SLC16A1: variants seen among roughly 807,000 people sequenced by gnomAD.
SLC16A1 encodes the protein monocarboxylate transporter 1.
A neutral mutation model predicts 32.2 loss-of-function variants in SLC16A1; 11 were observed. The observed-to-expected ratio is 0.34, with a 90% CI of 0.21 to 0.56. The LOEUF (loss-of-function observed/expected upper bound fraction) is 0.56, where lower values mean the gene tolerates loss of function less well. SLC16A1 is among the 20% of genes least tolerant of loss of function. The probability of loss-of-function intolerance (pLI) is 0.87; values close to 1 mark genes in which losing one functional copy is unlikely to be tolerated. For synonymous variants in SLC16A1, 231 were observed against 226.8 expected (o/e 1.02, Z -0.17); for missense variants, 435 against 615.0 (o/e 0.71, Z 3.10).
intron 1 of SLC16A1, among the ~76,000 whole-genome samples, chr1:112,942,083 T>C (rs549692204): frequency 6.6e-6 from 1 of 152,272 alleles, no homozygotes; most frequent in South Asian, 2.1e-4. Flanking sequence ...GCAATTCTCC[T>C]GCCTCAGCCT....
intron 1 of SLC16A1, among the ~76,000 whole-genome samples, chr1:112,948,875 G>A (rs1489843705): frequency 6.6e-6 from 1 of 151,956 alleles, no homozygotes; most frequent in East Asian, 1.9e-4. Context: ...CTGTTGCCCA[G>A]GCTGGAGTGC....
chr1:112,921,640 G>A (rs530915073), intron 3 of SLC16A1, among the ~76,000 whole-genome samples: 4 of 152,196 alleles, frequency 2.6e-5, no homozygotes, highest in Admixed American at 1.3e-4. Context: ...ATTATGAAGC[G>A]TATCCTCTAC....
rs144671890 is a variant in SLC16A1 at position 112,938,474 on chromosome 1, C to T, written c.-44-9122G>A. Among the ~76,000 whole-genome samples, 57 of 152,250 alleles carry T rather than the reference C, an allele frequency of 3.7e-4. 1 individual carries two copies. The East Asian group carries it at 0.011, about 29-fold the overall frequency. Reference sequence around the variant, plus strand: ...CAATGAAAAAATCAAGCAGAAAGCGCTAGTCAAAGAAGGAATGTAACTACT... The same window carrying T: ...CAATGAAAAAATCAAGCAGAAAGCGTTAGTCAAAGAAGGAATGTAACTACT... On this transcript the variant is annotated intron_variant, in intron 1 of 4. Coordinates refer to ENST00000369626, the MANE Select transcript of SLC16A1 (RefSeq NM_003051.4).
chr1:112,948,853 C>T lies in SLC16A1; in HGVS notation c.-45+7182G>A, dbSNP rs189805949. Among the ~76,000 whole-genome samples the T allele has an allele frequency of 7.2e-3, 1,043 of 144,884 alleles. 7 individuals carry two copies. Among genetic ancestry groups the T allele is most frequent in the African/African-American group, 9.1e-3 (353 of 38,960 alleles). Reference sequence around the variant, plus strand: ...ATTTTATTTTATTATTTTTTTGAGACAGAGTCTCGCTCTGTTGCCCAGGCT... The same window carrying T: ...ATTTTATTTTATTATTTTTTTGAGATAGAGTCTCGCTCTGTTGCCCAGGCT... On this transcript the variant is annotated intron_variant, in intron 1 of 4. Coordinates refer to ENST00000369626, the MANE Select transcript of SLC16A1 (RefSeq NM_003051.4).
At chr1:112,925,381 C>CT (rs1168717030) in intron 2 of SLC16A1, among the ~76,000 whole-genome samples, 4 of 24,604 alleles carry the variant, frequency 1.6e-4, no homozygotes, top group Non-Finnish European at 2.8e-4. Flanking sequence ...AGTGGCCTTT[C>CT]TTTTTTTTTT....
chr1:112,921,460 C>A (rs1244012125), intron 3 of SLC16A1, among the ~76,000 whole-genome samples: 1 of 152,016 alleles, frequency 6.6e-6, no homozygotes, highest in Non-Finnish European at 1.5e-5. Context: ...ATAATTTGAT[C>A]CTTTTTTGCT....
At chr1:112,924,529 A>T (rs1648865272) in intron 2 of SLC16A1, among the ~76,000 whole-genome samples, 1 of 152,190 alleles carries the variant, frequency 6.6e-6, no homozygotes, top group Non-Finnish European at 1.5e-5. Context: ...GTCTGTTTGC[A>T]TTGCTATAAA....
At chr1:112,944,055 T>C (rs1649604047) in intron 1 of SLC16A1, among the ~76,000 whole-genome samples, 1 of 152,190 alleles carries the variant, frequency 6.6e-6, no homozygotes, top group Admixed American at 6.5e-5. Flanking sequence ...ATAGGCATAC[T>C]TAAAATGCCA....
chr1:112,940,654 G>A (rs2101644640), intron 1 of SLC16A1, among the ~76,000 whole-genome samples: 1 of 151,962 alleles, frequency 6.6e-6, no homozygotes, highest in Admixed American at 6.6e-5. Context: ...TGGAAAGGAT[G>A]GTCAGAGATG....
intron 4 of SLC16A1, among the ~76,000 whole-genome samples, chr1:112,915,243 A>G (rs1380083692): frequency 6.6e-6 from 1 of 152,226 alleles, no homozygotes; most frequent in African/African-American, 2.4e-5. Flanking sequence ...GTTTGAAAGA[A>G]GTGGGGTCAA....
chr1:112,912,988 A>G lies in SLC16A1; in HGVS notation c.*903T>C, dbSNP rs1648376560. The G allele has an allele frequency of 6.6e-6, 1 of 152,196 alleles. No individual in the cohort carries two copies. The highest frequency in any genetic ancestry group is 2.1e-4 in the South Asian group (1 of 4,832). The allele number at this position is 152,196 out of a possible 1,614,324, so 9.4% of individuals were successfully genotyped here. A position where few individuals can be genotyped will look rare whatever the true frequency, so the allele number is the denominator to read the frequency against. ...GGAAAAACTTAAGTGAATTCAGCTG[A>G]TGTTTGAAATATCTGTCTACATTTA... On this transcript the variant is annotated 3_prime_UTR_variant, in exon 5 of 5. Transcript: ENST00000369626.
chr1:112,917,383 T>G lies in SLC16A1; in HGVS notation c.1023A>C (p.Gly341=). ...ATAAAGGTGCTAGCATATGACACAC[T>G]CCATTTGCAACAACGGAAGCCGCAA... The part of the protein sequence containing the change: ...YFFAASVVAN[G]VCHMLAPLST... The change falls in exon 4 of 5, where the codon GGA becomes GGC. Residue 341 remains glycine (G), a synonymous_variant. Transcript: ENST00000369626. This position sits in a 1 kb window ranked among gnomAD's most constrained non-coding sequence, Gnocchi z 4.1. The G allele has an allele frequency of 6.2e-7, 1 of 1,614,112 alleles. No individual in the cohort carries two copies. The highest frequency in any genetic ancestry group is 1.3e-5 in the African/African-American group (1 of 75,008).
At chr1:112,922,655 A>G (rs1362842930) in intron 2 of SLC16A1, among the ~76,000 whole-genome samples, 2 of 152,080 alleles carry the variant, frequency 1.3e-5, no homozygotes, top group Non-Finnish European at 2.9e-5. Flanking sequence ...CGTGCCTGTA[A>G]TCCCAGCTAC....
chr1:112,924,062 G>T, intron 2 of SLC16A1: 1 of 1,292,676 alleles, frequency 7.7e-7, no homozygotes, highest in East Asian at 2.3e-5. Context: ...GCTTCTGGAA[G>T]AAGCACCACT....
At chr1:112,940,039 ATTTTTTTTTTTTTTTTT>A (rs55864843) in intron 1 of SLC16A1, among the ~76,000 whole-genome samples, 1 of 108,616 alleles carries the variant, frequency 9.2e-6, no homozygotes, top group Admixed American at 1.0e-4. Context: ...CTGATGGGTG[ATTTTTTTTTTTTTTTTT>A]TTTTTTTTAA....
intron 2 of SLC16A1, among the ~76,000 whole-genome samples, chr1:112,926,176 T>A (rs989367940): frequency 6.6e-6 from 1 of 152,206 alleles, no homozygotes; most frequent in African/African-American, 2.4e-5. Flanking sequence ...TCCATCTCCA[T>A]CCATATAGAT....
intron 1 of SLC16A1, among the ~76,000 whole-genome samples, chr1:112,929,888 G>T (rs1010301476): frequency 2.6e-5 from 4 of 152,122 alleles, no homozygotes; most frequent in Admixed American, 6.6e-5. Context: ...GACCTGATGA[G>T]ATTCCAGGTT....
At chr1:112,936,049 T>C (rs1649293215) in intron 1 of SLC16A1, 1 of 152,188 alleles carries the variant, frequency 6.6e-6, no homozygotes, top group Non-Finnish European at 1.5e-5. Flanking sequence ...TAACTTAAGA[T>C]TAAGGTGATG....
intron 2 of SLC16A1, among the ~76,000 whole-genome samples, chr1:112,922,785 CAAACA>C (rs938319194): frequency 2.6e-5 from 4 of 152,070 alleles, no homozygotes; most frequent in African/African-American, 9.7e-5. Flanking sequence ...AAAAAACAAA[CAAACA>C]AAACAAAAAC....
Sources: gnomAD v4.1 joint callset for allele counts (sites outside exome capture counted in the v4.1 genomes callset) on GRCh38, gnomAD v4.1.1 for gene constraint, Gnocchi (gnomAD v3.1) non-coding constraint, MANE v1.5 for transcripts, NCBI Gene and HGNC (gene_info 2026-07-23, HGNC 2026-07-21) for gene names.